Variants in DAPK2 observed in about 807,000 individuals in gnomAD.
The protein encoded by DAPK2 is death-associated protein kinase 2.
In DAPK2, 35 loss-of-function variants were observed where a neutral mutation model predicts 44.1. The observed-to-expected ratio is 0.79, with a 90% CI of 0.61 to 1.05. The LOEUF is 1.05. Ranked by LOEUF, DAPK2 falls within the 50% of genes least tolerant of loss-of-function variation. The pLI is 0.00. For synonymous variants in DAPK2, 174 were observed against 182.6 expected (o/e 0.95, Z 0.38); for missense variants, 453 against 483.2 (o/e 0.94, Z 0.59).
At chr15:63,913,505 C>T (rs1205443316) in intron 8 of DAPK2, among the ~76,000 whole-genome samples, 1 of 152,198 alleles carries the variant, frequency 6.6e-6, no homozygotes, top group Non-Finnish European at 1.5e-5. Flanking sequence ...CCGGGCAGCT[C>T]TGGTTTTCTC....
chr15:63,946,922 C>T (rs1260402293), intron 3 of DAPK2, among the ~76,000 whole-genome samples: 1 of 152,198 alleles, frequency 6.6e-6, no homozygotes, highest in Non-Finnish European at 1.5e-5. Context: ...CATGCTAGGC[C>T]TCTGTGGACA....
At chr15:63,989,366 G>A (rs192982391) in intron 1 of DAPK2, among the ~76,000 whole-genome samples, 39 of 151,994 alleles carry the variant, frequency 2.6e-4, no homozygotes, top group African/African-American at 5.1e-4. Context: ...GCAAGACTCC[G>A]TCTCTAAAAA....
At chr15:63,989,392 G>A (rs779057765) in intron 1 of DAPK2, among the ~76,000 whole-genome samples, 3 of 152,044 alleles carry the variant, frequency 2.0e-5, no homozygotes, top group Non-Finnish European at 4.4e-5. Flanking sequence ...CAATAAAAAA[G>A]AGAGAGAGAA....
At chr15:64,036,271 ATATGTG>A (rs140271383) in intron 1 of DAPK2, among the ~76,000 whole-genome samples, 3,548 of 85,180 alleles carry the variant, frequency 0.042, 282 homozygotes, top group South Asian at 0.072. Flanking sequence ...AAATATATAT[ATATGTG>A]TGTGTGTGTG....
chr15:63,939,457 G>A lies in DAPK2; in HGVS notation c.454-96C>T. The A allele has an allele frequency of 8.1e-7, 1 of 1,239,058 alleles. No individual in the cohort carries two copies. The highest frequency in any genetic ancestry group is 1.4e-5 in the South Asian group (1 of 69,408). 76.8% of individuals were successfully genotyped at this position (1,239,058 alleles called of 1,614,324 possible). ...GGTTGGTTCGTGTTTTGGCTTTGGG[G>A]TTTGGGGTGGGACTTGGTGTTCTTT... On this transcript the variant is annotated intron_variant, in intron 3 of 10. Transcript: ENST00000261891. The surrounding 1 kb of genome is among the most constrained non-coding windows in gnomAD (Gnocchi z 4.3).
At chr15:63,941,757 A>G (rs975049691) in intron 3 of DAPK2, among the ~76,000 whole-genome samples, 6 of 151,944 alleles carry the variant, frequency 3.9e-5, no homozygotes, top group African/African-American at 1.2e-4. Flanking sequence ...GGCACCGCAA[A>G]TTTCCCTAAG....
At chr15:63,907,226 A>G (rs1596374199) in exon 11 of DAPK2, 1 of 151,950 alleles carries the variant, frequency 6.6e-6, no homozygotes, top group East Asian at 1.9e-4. Flanking sequence ...CACCAATTAT[A>G]TTGCATCGGG....
chr15:64,033,175 G>C (rs187245016), intron 1 of DAPK2, among the ~76,000 whole-genome samples: 214 of 151,574 alleles, frequency 1.4e-3, no homozygotes, highest in African/African-American at 4.8e-3. Context: ...TGGGACGATT[G>C]CTTGAGCCCA....
chr15:63,943,023 C>T (rs2077353097), intron 3 of DAPK2, among the ~76,000 whole-genome samples: 1 of 151,652 alleles, frequency 6.6e-6, no homozygotes, highest in African/African-American at 2.4e-5. Context: ...CTGCAATATA[C>T]AGGACCCAGT....
chr15:64,031,579 A>G (rs1348509160), intron 1 of DAPK2, among the ~76,000 whole-genome samples: 2 of 152,244 alleles, frequency 1.3e-5, no homozygotes, highest in African/African-American at 4.8e-5. Context: ...CTTTCCCAGC[A>G]GCAAGAAATA....
chr15:63,997,307 T>C (rs2078975442), intron 1 of DAPK2, among the ~76,000 whole-genome samples: 1 of 152,198 alleles, frequency 6.6e-6, no homozygotes, highest in African/African-American at 2.4e-5. Flanking sequence ...TTATTTGTCC[T>C]TTGTCTACCC....
At chr15:63,947,119 A>AC (rs1191195001) in intron 3 of DAPK2, among the ~76,000 whole-genome samples, 5 of 149,922 alleles carry the variant, frequency 3.3e-5, no homozygotes, top group Non-Finnish European at 7.4e-5. Flanking sequence ...CCTCTTCATC[A>AC]CCCCATCCCA....
At chr15:64,028,886 T>G (rs1322494080) in intron 1 of DAPK2, among the ~76,000 whole-genome samples, 2 of 152,086 alleles carry the variant, frequency 1.3e-5, no homozygotes, top group African/African-American at 4.8e-5. Context: ...TATACATAGG[T>G]CAAGGGTATA....
intron 1 of DAPK2, among the ~76,000 whole-genome samples, chr15:64,019,686 A>C (rs145455396): frequency 1.2e-3 from 188 of 152,332 alleles, no homozygotes; most frequent in African/African-American, 4.3e-3. Context: ...TTTTTCCTAC[A>C]TGCCAGTGTG....
chr15:63,935,044 T>C (rs576837997), intron 4 of DAPK2, among the ~76,000 whole-genome samples: 1 of 150,982 alleles, frequency 6.6e-6, no homozygotes, highest in African/African-American at 2.4e-5. Flanking sequence ...TGTTTTGGGG[T>C]TTTTTTTTAA....
chr15:64,007,578 T>C (rs1263643600), intron 1 of DAPK2, among the ~76,000 whole-genome samples: 1 of 151,860 alleles, frequency 6.6e-6, no homozygotes, highest in Non-Finnish European at 1.5e-5. Flanking sequence ...TGCACAGGAG[T>C]TTCCCAAAAT....
chr15:63,938,273 C>T (rs1377715927), intron 4 of DAPK2, among the ~76,000 whole-genome samples: 2 of 152,194 alleles, frequency 1.3e-5, no homozygotes, highest in African/African-American at 2.4e-5. Context: ...GTTGGGTTGC[C>T]TTGAACAAGG....
In DAPK2 at chr15:63,990,369, A is replaced by G. The variant is rs937808215; in HGVS notation, c.93-6615T>C. ...TTTGAACCTGGGAGGTGGAGGTTGC[A>G]GTGAGCTGAGATCGCACCGCTGCAC... On this transcript the variant is annotated intron_variant, in intron 1 of 10. Transcript: ENST00000261891. This position sits in a 1 kb window ranked among gnomAD's most constrained non-coding sequence, Gnocchi z 4.3. Among the ~76,000 whole-genome samples the G allele has an allele frequency of 7.2e-5, 11 of 152,154 alleles. No individual in the cohort carries two copies. The highest frequency in any genetic ancestry group is 1.3e-4 in the Non-Finnish European group (9 of 68,026).
In DAPK2 at chr15:63,956,419, T is replaced by C. The variant is rs375086368; in HGVS notation, c.453+15004A>G. Among the ~76,000 whole-genome samples, 6 of 152,106 alleles carry C rather than the reference T, an allele frequency of 3.9e-5. No individual in the cohort carries two copies. The South Asian group carries it at 1.2e-3, about 31-fold the overall frequency. On this transcript the variant is annotated intron_variant, in intron 3 of 10. Coordinates refer to ENST00000261891, the Ensembl canonical transcript of DAPK2. ...TATGTTGTATTCCCATTATCATTTTTTTCAAGAAATTTTTCAATTTCCTTC... is the reference window on the plus strand; with the variant it reads ...TATGTTGTATTCCCATTATCATTTTCTTCAAGAAATTTTTCAATTTCCTTC...
Sources: allele counts gnomAD v4.1 joint callset (sites outside exome capture counted in the v4.1 genomes callset), GRCh38; gene constraint gnomAD v4.1.1; non-coding constraint Gnocchi (gnomAD v3.1); transcripts MANE v1.5; gene names NCBI Gene and HGNC (gene_info 2026-07-23, HGNC 2026-07-21).